NAALADL2: variants seen among roughly 807,000 people sequenced by gnomAD.
NAALADL2 encodes inactive N-acetylated-alpha-linked acidic dipeptidase-like protein 2.
In NAALADL2, 76 loss-of-function variants were observed where a neutral mutation model predicts 87.2. The ratio of observed to expected loss-of-function variants is 0.87; its 90% CI spans 0.72 to 1.05. The LOEUF is 1.05. Among genes scored for constraint, NAALADL2 ranks in the 50% least tolerant of loss-of-function variants. The pLI, the probability that NAALADL2 is intolerant of heterozygous loss-of-function variation, is 0.00. For synonymous variants in NAALADL2, 354 were observed against 331.0 expected (o/e 1.07, Z -0.75); for missense variants, 1,089 against 945.8 (o/e 1.15, Z -1.99).
chr3:174,448,452 A>C (rs1274266709), intron 1 of NAALADL2, among the ~76,000 whole-genome samples: 1 of 152,200 alleles, frequency 6.6e-6, no homozygotes, highest in Non-Finnish European at 1.5e-5. Flanking sequence ...ACTTTCTTCT[A>C]AGTTTTGTAG....
At chr3:175,704,479 C>G (rs2149978919) in intron 11 of NAALADL2, among the ~76,000 whole-genome samples, 1 of 151,952 alleles carries the variant, frequency 6.6e-6, no homozygotes, top group Non-Finnish European at 1.5e-5. Context: ...GACAGATAGT[C>G]TTTTGCCAGC....
At chr3:175,424,854 C>T (rs1237684788) in intron 5 of NAALADL2, among the ~76,000 whole-genome samples, 1 of 152,088 alleles carries the variant, frequency 6.6e-6, no homozygotes, top group Non-Finnish European at 1.5e-5. Context: ...TATAATAACA[C>T]CATATTCCTT....
chr3:175,240,247 A>G (rs973164312), intron 3 of NAALADL2, among the ~76,000 whole-genome samples: 2 of 152,224 alleles, frequency 1.3e-5, no homozygotes, highest in African/African-American at 4.8e-5. Context: ...TGGACCAGAA[A>G]AGCATTGCTT....
At chr3:174,863,181 G>A (rs1726712773) in intron 1 of NAALADL2, among the ~76,000 whole-genome samples, 1 of 152,098 alleles carries the variant, frequency 6.6e-6, no homozygotes. Context: ...AGAAGCCATT[G>A]CCAGAGGCCA....
At chr3:175,179,863 C>T (rs1478829769) in intron 2 of NAALADL2, among the ~76,000 whole-genome samples, 1 of 151,998 alleles carries the variant, frequency 6.6e-6, no homozygotes, top group Admixed American at 6.6e-5. Flanking sequence ...TCAGATTAAG[C>T]TGAGATTTGA....
At chr3:174,950,791 A>G (rs1020203019) in intron 1 of NAALADL2, among the ~76,000 whole-genome samples, 1 of 152,212 alleles carries the variant, frequency 6.6e-6, no homozygotes, top group Admixed American at 6.5e-5. Context: ...TTTTACAAAA[A>G]TAATAAAATA....
At chr3:175,037,354 G>A (rs1199496726) in intron 1 of NAALADL2, among the ~76,000 whole-genome samples, 1 of 152,098 alleles carries the variant, frequency 6.6e-6, no homozygotes, top group Non-Finnish European at 1.5e-5. Context: ...AGGGGAAAGA[G>A]GGCTTCATAC....
chr3:175,798,771 C>T (rs1013967165), intron 13 of NAALADL2, among the ~76,000 whole-genome samples: 5 of 151,902 alleles, frequency 3.3e-5, no homozygotes, highest in South Asian at 2.1e-4. Context: ...ACACATTTTA[C>T]AAAAATATAT....
chr3:175,546,093 T>C (rs937293470), intron 9 of NAALADL2, among the ~76,000 whole-genome samples: 11 of 152,144 alleles, frequency 7.2e-5, no homozygotes, highest in Admixed American at 5.9e-4. Context: ...GTAGACTAAA[T>C]GCTGAGGTAT....
chr3:174,930,242 A>G (rs1222548091), intron 1 of NAALADL2, among the ~76,000 whole-genome samples: 4 of 152,154 alleles, frequency 2.6e-5, no homozygotes, highest in African/African-American at 9.6e-5. Flanking sequence ...AACCACAGGA[A>G]AAATAGATTT....
chr3:175,794,617 A>C (rs1054641083), intron 13 of NAALADL2, among the ~76,000 whole-genome samples: 2 of 152,160 alleles, frequency 1.3e-5, no homozygotes, highest in Admixed American at 6.5e-5. Context: ...CTCTTGAAAA[A>C]CAGTGTAGTT....
chr3:175,158,888 G>T (rs1180340765), intron 2 of NAALADL2, among the ~76,000 whole-genome samples: 1 of 151,926 alleles, frequency 6.6e-6, no homozygotes, highest in Non-Finnish European at 1.5e-5. Context: ...AAAATTATAT[G>T]CTTATTGAAA....
At chr3:175,461,687 T>C (rs915021219) in intron 6 of NAALADL2, among the ~76,000 whole-genome samples, 3 of 152,178 alleles carry the variant, frequency 2.0e-5, no homozygotes, top group African/African-American at 7.2e-5. Context: ...CAAAAATATA[T>C]TGAATTTTAG....
chr3:175,430,598 CTG>C (rs1307176786), intron 5 of NAALADL2, among the ~76,000 whole-genome samples: 1 of 151,972 alleles, frequency 6.6e-6, no homozygotes, highest in Non-Finnish European at 1.5e-5. Flanking sequence ...ACTTACATCT[CTG>C]TTATCCAGAG....
At chr3:174,599,325 A>G (rs1467044391) in intron 2 of NAALADL2, among the ~76,000 whole-genome samples, 2 of 152,168 alleles carry the variant, frequency 1.3e-5, no homozygotes, top group Non-Finnish European at 2.9e-5. Flanking sequence ...TAAAATGGCT[A>G]TTTACTCTAA....
intron 10 of NAALADL2, among the ~76,000 whole-genome samples, chr3:175,591,602 G>A (rs1452872610): frequency 2.6e-5 from 4 of 151,866 alleles, no homozygotes; most frequent in African/African-American, 9.7e-5. Context: ...AGAACATCCA[G>A]GCATGAGTAT....
At chr3:174,797,733 C>A (rs1362901027) in intron 3 of NAALADL2, among the ~76,000 whole-genome samples, 1 of 152,032 alleles carries the variant, frequency 6.6e-6, no homozygotes, top group Non-Finnish European at 1.5e-5. Context: ...TTCCAGCCTC[C>A]AGAAATGAGA....
chr3:174,892,024 G>A (rs1282306699), intron 1 of NAALADL2, among the ~76,000 whole-genome samples: 5 of 152,092 alleles, frequency 3.3e-5, no homozygotes, highest in Non-Finnish European at 2.9e-5. Flanking sequence ...GGCTTGGGGT[G>A]CCCCCTAAAG....
intron 13 of NAALADL2, among the ~76,000 whole-genome samples, chr3:175,794,876 A>G (rs1753264369): frequency 6.6e-6 from 1 of 152,188 alleles, no homozygotes; most frequent in South Asian, 2.1e-4. Flanking sequence ...AACAACAGAC[A>G]TTTATTTCTC....
Sources: allele counts gnomAD v4.1 joint callset (sites outside exome capture counted in the v4.1 genomes callset), GRCh38; gene constraint gnomAD v4.1.1; transcripts MANE v1.5; gene names NCBI Gene and HGNC (gene_info 2026-07-23, HGNC 2026-07-21).